EYS: variants seen among roughly 807,000 people sequenced by gnomAD.
EYS encodes the protein protein eyes shut homolog.
In EYS, 250 loss-of-function variants were observed where a neutral mutation model predicts 282.1. The ratio of observed to expected loss-of-function variants is 0.89; its 90% CI spans 0.80 to 0.98. The LOEUF is 0.98. Among genes scored for constraint, EYS ranks in the 50% least tolerant of loss-of-function variants. The pLI is 0.00. For synonymous variants in EYS, 1,355 were observed against 1,282.9 expected (o/e 1.06, Z -1.20); for missense variants, 4,016 against 3,709.0 (o/e 1.08, Z -2.15).
intron 12 of EYS, among the ~76,000 whole-genome samples, chr6:65,092,804 A>C (rs1200249205): frequency 2.0e-5 from 3 of 152,170 alleles, no homozygotes; most frequent in Non-Finnish European, 4.4e-5. Context: ...AGAATGAAAA[A>C]GAGTGAAGAA....
At chr6:63,871,093 T>C (rs1223904329) in intron 35 of EYS, among the ~76,000 whole-genome samples, 3 of 152,304 alleles carry the variant, frequency 2.0e-5, no homozygotes, top group Middle Eastern at 3.4e-3. Flanking sequence ...TTTTTTCCTC[T>C]TACCCCAATT....
chr6:64,919,292 C>T (rs1768263293), intron 15 of EYS, among the ~76,000 whole-genome samples: 1 of 152,112 alleles, frequency 6.6e-6, no homozygotes, highest in African/African-American at 2.4e-5. Flanking sequence ...CTGCCTCAGC[C>T]TCTCAAGTAG....
At chr6:65,555,623 A>G (rs955794299) in intron 2 of EYS, among the ~76,000 whole-genome samples, 1 of 152,160 alleles carries the variant, frequency 6.6e-6, no homozygotes, top group African/African-American at 2.4e-5. Flanking sequence ...TGGTTCAAAT[A>G]TTTTTTAGTC....
At chr6:65,347,720 G>A (rs947499964) in intron 9 of EYS, among the ~76,000 whole-genome samples, 4 of 151,496 alleles carry the variant, frequency 2.6e-5, no homozygotes, top group African/African-American at 9.7e-5. Flanking sequence ...CTTTCTTGGT[G>A]TTACAGATAA....
intron 22 of EYS, among the ~76,000 whole-genome samples, chr6:64,785,863 T>C (rs568708282): frequency 7.8e-4 from 118 of 152,188 alleles, no homozygotes; most frequent in Non-Finnish European, 1.3e-3. Context: ...CTGTCAAGAA[T>C]AGCAAATCCA....
intron 30 of EYS, among the ~76,000 whole-genome samples, chr6:64,251,418 A>G (rs1354796882): frequency 6.6e-6 from 1 of 152,132 alleles, no homozygotes; most frequent in Non-Finnish European, 1.5e-5. Flanking sequence ...ATGTCTATAT[A>G]AGCAATCTTG....
chr6:65,684,633 G>A (rs1005070097), intron 1 of EYS, among the ~76,000 whole-genome samples: 1 of 152,038 alleles, frequency 6.6e-6, no homozygotes, highest in Non-Finnish European at 1.5e-5. Context: ...GCAGCAGTCT[G>A]TTTTGAGATA....
intron 2 of EYS, among the ~76,000 whole-genome samples, chr6:65,563,854 T>A (rs926370960): frequency 6.6e-6 from 1 of 152,128 alleles, no homozygotes; most frequent in Admixed American, 6.6e-5. Flanking sequence ...ATGTGGCAGA[T>A]GACATGATTG....
intron 12 of EYS, among the ~76,000 whole-genome samples, chr6:65,241,294 CTCTTT>C: frequency 6.6e-6 from 1 of 152,168 alleles, no homozygotes; most frequent in East Asian, 1.9e-4. Flanking sequence ...TGCTAGTTTT[CTCTTT>C]TCTTGTCTGT....
At chr6:65,065,540 G>A (rs1187221262) in intron 12 of EYS, among the ~76,000 whole-genome samples, 3 of 148,074 alleles carry the variant, frequency 2.0e-5, no homozygotes, top group East Asian at 2.0e-4. Flanking sequence ...CCACCACCAC[G>A]CCTGGCTATT....
chr6:64,328,640 T>A (rs1240436231), intron 29 of EYS, among the ~76,000 whole-genome samples: 1 of 152,078 alleles, frequency 6.6e-6, no homozygotes, highest in Non-Finnish European at 1.5e-5. Flanking sequence ...AGTTAGAAGG[T>A]TTTGAAGGCA....
chr6:65,052,775 G>A (rs544194367), intron 13 of EYS, among the ~76,000 whole-genome samples: 4 of 151,550 alleles, frequency 2.6e-5, no homozygotes, highest in Non-Finnish European at 4.4e-5. Flanking sequence ...AAAGAAATAC[G>A]TATTTGAAAT....
intron 12 of EYS, among the ~76,000 whole-genome samples, chr6:65,143,548 A>G (rs182518428): frequency 8.0e-4 from 122 of 152,222 alleles, no homozygotes; most frequent in Non-Finnish European, 1.0e-4. Context: ...TTTGTATATA[A>G]AACATTTAGC....
At chr6:65,144,508 T>C (rs1459549607) in intron 12 of EYS, among the ~76,000 whole-genome samples, 1 of 152,062 alleles carries the variant, frequency 6.6e-6, no homozygotes, top group East Asian at 1.9e-4. Context: ...GTTGTAAATA[T>C]CTAACATCTG....
chr6:65,428,954 A>C (rs9351492), intron 5 of EYS, among the ~76,000 whole-genome samples: 1 of 151,798 alleles, frequency 6.6e-6, no homozygotes, highest in Non-Finnish European at 1.5e-5. Flanking sequence ...AGGCCGAGGC[A>C]GGCAGATCAC....
In EYS at chr6:63,789,222, A is replaced by C; in HGVS notation, c.7414T>G (p.Leu2472Val). Residue 2472 changes from leucine (L) to valine (V), a missense_variant and splice_region_variant, in exon 38 of 43, where the codon TTG (leucine) becomes GTG (valine). By Grantham distance (32) the Leu-to-Val change is conservative. Transcript: ENST00000503581. ...IFFTGQKGHG[L>V]NGDDFLAVGL... Reference sequence around the variant, plus strand: ...ACAGCCAGGAAGTCATCGCCATTCAACCCTGGAATGAGAAGACACATGGGG... The same window carrying C: ...ACAGCCAGGAAGTCATCGCCATTCACCCCTGGAATGAGAAGACACATGGGG... 2 of 1,551,228 alleles carry C rather than the reference A, an allele frequency of 1.3e-6. No individual in the cohort carries two copies. The highest frequency in any genetic ancestry group is 8.7e-7 in the Non-Finnish European group (1 of 1,146,660).
intron 12 of EYS, among the ~76,000 whole-genome samples, chr6:65,172,985 A>T (rs958077014): frequency 8.0e-6 from 1 of 124,944 alleles, no homozygotes; most frequent in Non-Finnish European, 1.6e-5. Context: ...GGAAATTTAA[A>T]AAAAAAAAAA....
chr6:65,528,693 GTCTCGACTAT>G (rs1767658174), intron 2 of EYS, among the ~76,000 whole-genome samples: 1 of 152,002 alleles, frequency 6.6e-6, no homozygotes, highest in Non-Finnish European at 1.5e-5. Flanking sequence ...AAATTACCTA[GTCTCGACTAT>G]TCTGTTATAG....
chr6:64,075,007 G>A (rs1033203648), intron 32 of EYS, among the ~76,000 whole-genome samples: 13 of 151,910 alleles, frequency 8.6e-5, no homozygotes, highest in Non-Finnish European at 1.9e-4. Flanking sequence ...GGCTACCTGT[G>A]GGAGCAGTCA....
Sources: gnomAD v4.1 joint callset for allele counts (sites outside exome capture counted in the v4.1 genomes callset) on GRCh38, gnomAD v4.1.1 for gene constraint, MANE v1.5 for transcripts, NCBI Gene and HGNC (gene_info 2026-07-23, HGNC 2026-07-21) for gene names.